The following TTLL11 variants were observed in gnomAD, a reference collection of about 807,000 sequenced individuals.
The protein encoded by TTLL11 is tubulin tyrosine ligase like 11, also known as tubulin polyglutamylase TTLL11.
A neutral mutation model predicts 51.7 loss-of-function variants in TTLL11; 42 were observed. The ratio of observed to expected loss-of-function variants is 0.81; its 90% CI spans 0.64 to 1.05. The LOEUF (loss-of-function observed/expected upper bound fraction) is 1.05, where lower values mean the gene tolerates loss of function less well. Ranked by LOEUF, TTLL11 falls within the 50% of genes least tolerant of loss-of-function variation. The pLI is 0.00. For missense variants in TTLL11, 799 were observed against 940.4 expected (o/e 0.85, Z 1.97); for synonymous variants, 381 against 383.5 (o/e 0.99, Z 0.08).
At chr9:121,852,647 G>T (rs1221626304) in intron 8 of TTLL11, among the ~76,000 whole-genome samples, 2 of 152,178 alleles carry the variant, frequency 1.3e-5, no homozygotes, top group Non-Finnish European at 2.9e-5. Context: ...CCCGACAAAG[G>T]GGCAGCGGGT....
At chr9:122,046,961 T>C (rs1282339628) in intron 1 of TTLL11, among the ~76,000 whole-genome samples, 2 of 152,106 alleles carry the variant, frequency 1.3e-5, no homozygotes, top group Admixed American at 6.5e-5. Context: ...AACAACACAA[T>C]GGGAAATGTC....
chr9:122,013,329 C>A (rs1248141822), intron 3 of TTLL11, among the ~76,000 whole-genome samples: 1 of 152,076 alleles, frequency 6.6e-6, no homozygotes, highest in African/African-American at 2.4e-5. Flanking sequence ...GGTCAACTAT[C>A]CCACATTCAA....
At chr9:121,907,547 TAG>T (rs1290162828) in intron 6 of TTLL11, among the ~76,000 whole-genome samples, 1 of 152,066 alleles carries the variant, frequency 6.6e-6, no homozygotes, top group African/African-American at 2.4e-5. Flanking sequence ...GGATAAGAGA[TAG>T]AGTCTGGATT....
intron 8 of TTLL11, among the ~76,000 whole-genome samples, chr9:121,839,351 G>A (rs936115617): frequency 2.0e-5 from 3 of 152,158 alleles, no homozygotes; most frequent in African/African-American, 7.2e-5. Flanking sequence ...ACTTAGGGTA[G>A]AAAAAATCCA....
intron 4 of TTLL11, among the ~76,000 whole-genome samples, chr9:121,987,882 C>G (rs1842977593): frequency 6.6e-6 from 1 of 152,072 alleles, no homozygotes; most frequent in African/African-American, 2.4e-5. Flanking sequence ...ATCTCTGTCC[C>G]CAACCCAGGC....
At position 121,838,166 on chromosome 9, in the gene TTLL11, GT is replaced by G. The variant is rs1171661754; in HGVS notation, c.1841-15288del. Among the ~76,000 whole-genome samples the G allele has an allele frequency of 2.0e-5, 3 of 152,096 alleles. No homozygotes were observed. The East Asian group carries it at 5.8e-4, about 29-fold the overall frequency. ...CTCTTGGTCTTCCCTTCCCAATTCT[GT>G]TTTTCCTTGAGTCTCGCCCATTTTA... On this transcript the variant is annotated intron_variant, in intron 8 of 8. Transcript: ENST00000321582.
chr9:121,986,620 T>C (rs1842948781), intron 4 of TTLL11, among the ~76,000 whole-genome samples: 1 of 152,146 alleles, frequency 6.6e-6, no homozygotes, highest in Admixed American at 6.5e-5. Flanking sequence ...GATTTCTGGG[T>C]GGCAATTACC....
chr9:121,909,972 T>C (rs1840059494), intron 6 of TTLL11, among the ~76,000 whole-genome samples: 1 of 152,140 alleles, frequency 6.6e-6, no homozygotes, highest in Non-Finnish European at 1.5e-5. Context: ...ACTTAAACAA[T>C]GTGGATGGCG....
At chr9:122,008,483 A>T (rs2131742431) in intron 3 of TTLL11, among the ~76,000 whole-genome samples, 1 of 152,344 alleles carries the variant, frequency 6.6e-6, no homozygotes, top group East Asian at 1.9e-4. Flanking sequence ...AAATGCTCAG[A>T]ATCACTAATC....
chr9:121,996,271 T>C (rs1390997323), intron 3 of TTLL11, among the ~76,000 whole-genome samples: 1 of 152,208 alleles, frequency 6.6e-6, no homozygotes, highest in African/African-American at 2.4e-5. Context: ...ACCGACCTCC[T>C]GCCCTTTCTT....
At chr9:121,877,694 T>G (rs916661940) in intron 6 of TTLL11, among the ~76,000 whole-genome samples, 4 of 152,218 alleles carry the variant, frequency 2.6e-5, no homozygotes, top group African/African-American at 9.6e-5. Context: ...TGCCAGGAAC[T>G]GCAATTTAAA....
chr9:121,869,267 G>C (rs1231549916), intron 7 of TTLL11, among the ~76,000 whole-genome samples: 1 of 152,208 alleles, frequency 6.6e-6, no homozygotes, highest in Non-Finnish European at 1.5e-5. Flanking sequence ...CAGAGGGCTA[G>C]AGTTAGAATT....
intron 8 of TTLL11, among the ~76,000 whole-genome samples, chr9:121,832,952 A>T (rs1261983114): frequency 6.6e-6 from 1 of 152,170 alleles, no homozygotes; most frequent in African/African-American, 2.4e-5. Context: ...ACAAAACAAA[A>T]AACAGACAAA....
rs930922379 is a variant in TTLL11 at position 121,995,203 on chromosome 9, G to A, written c.694-5433C>T. Among the ~76,000 whole-genome samples, 18 of 152,186 alleles carry A rather than the reference G, an allele frequency of 1.2e-4. 1 individual carries two copies. Among genetic ancestry groups the A allele is most frequent in the Non-Finnish European group, 2.5e-4 (17 of 68,036 alleles). Reference sequence around the variant, plus strand: ...TATCCAGAGACAGGATAGAGAGGAAGAAGAGGGCACCTGGGAGCCAGAGGC... The same window carrying A: ...TATCCAGAGACAGGATAGAGAGGAAAAAGAGGGCACCTGGGAGCCAGAGGC... On this transcript the variant is annotated intron_variant, in intron 3 of 8. Coordinates refer to ENST00000321582, the MANE Select transcript of TTLL11 (RefSeq NM_001139442.2). The surrounding 1 kb of genome is among the most constrained non-coding windows in gnomAD (Gnocchi z 4.4).
chr9:121,951,739 C>T (rs1052154324), intron 6 of TTLL11, among the ~76,000 whole-genome samples: 16 of 152,134 alleles, frequency 1.1e-4, no homozygotes, highest in African/African-American at 2.7e-4. Context: ...AGGGCGAGTC[C>T]GAGTAAAGTG....
intron 3 of TTLL11, among the ~76,000 whole-genome samples, chr9:122,029,571 T>C (rs1490663166): frequency 1.3e-5 from 2 of 152,096 alleles, no homozygotes; most frequent in African/African-American, 2.4e-5. Context: ...TATAAGGAAA[T>C]TTTTTTTGTA....
chr9:122,089,059 T>C (rs958398157), intron 1 of TTLL11, among the ~76,000 whole-genome samples: 1 of 151,126 alleles, frequency 6.6e-6, no homozygotes, highest in African/African-American at 2.4e-5. Flanking sequence ...CGAGATTGTG[T>C]GCCCTGCAGC....
rs148713468 is a variant in TTLL11, at chr9:121,898,580, G to A, written c.1482-27832C>T. ...GGCTCTGGCAATGCAGGGTCCTAAC[G>A]CTCCCACCACAGAGCAACCCAAGGT... On this transcript the variant is annotated intron_variant, in intron 6 of 8. Coordinates refer to ENST00000321582, the MANE Select transcript of TTLL11 (RefSeq NM_001139442.2). Among the ~76,000 whole-genome samples the A allele has an allele frequency of 2.7e-4, 41 of 152,334 alleles. No homozygotes were observed. The East Asian group carries it at 7.7e-3, about 29-fold the overall frequency.
At chr9:121,883,399 A>T (rs538890862) in intron 6 of TTLL11, among the ~76,000 whole-genome samples, 1 of 152,168 alleles carries the variant, frequency 6.6e-6, no homozygotes, top group Non-Finnish European at 1.5e-5. Context: ...CTCCTTTGAC[A>T]TATATTTATT....
Sources: gnomAD v4.1 joint callset for allele counts (sites outside exome capture counted in the v4.1 genomes callset) on GRCh38, gnomAD v4.1.1 for gene constraint, Gnocchi (gnomAD v3.1) non-coding constraint, MANE v1.5 for transcripts, NCBI Gene and HGNC (gene_info 2026-07-23, HGNC 2026-07-21) for gene names.